The following MYH11 variants were observed in gnomAD, a reference collection of about 807,000 sequenced individuals.
The protein encoded by MYH11 is myosin heavy chain 11.
MYH11 carries 80 observed loss-of-function variants against 246.6 expected under a neutral mutation model. That is an observed-to-expected ratio of 0.32 (90% CI 0.27 to 0.39). The LOEUF (loss-of-function observed/expected upper bound fraction) is 0.39, where lower values mean the gene tolerates loss of function less well. MYH11 is among the 10% of genes least tolerant of loss of function. The pLI is 1.00. For missense variants in MYH11, 2,158 were observed against 2,546.8 expected (o/e 0.85, Z 3.29); for synonymous variants, 1,071 against 1,015.5 (o/e 1.05, Z -1.04).
Position 15,750,329 on chromosome 16 carries a change from C to A in MYH11, c.1867G>T (p.Asp623Tyr). The A allele has an allele frequency of 6.3e-7, 1 of 1,598,452 alleles. No individual in the cohort carries two copies. Among genetic ancestry groups the A allele is most frequent in the Admixed American group, 1.8e-5 (1 of 56,740 alleles). ...ATCTGGTCCAGGCCCACGATGCGGT[C>A]CACTATGGGGCACAGCCAGGGTGGC... ...KFVADLWKDV[D>Y]RIVGLDQMAK... Residue 623 changes from aspartate to tyrosine, a missense_variant and splice_region_variant, in exon 16 of 41, where the codon GAC becomes TAC. Coordinates refer to ENST00000300036, the MANE Select transcript of MYH11 (RefSeq NM_002474.3). This position sits in a 1 kb window ranked among gnomAD's most constrained non-coding sequence, Gnocchi z 4.3.
chr16:15,808,361 G>T (rs2043061944), intron 3 of MYH11, among the ~76,000 whole-genome samples: 1 of 152,214 alleles, frequency 6.6e-6, no homozygotes, highest in Non-Finnish European at 1.5e-5. Context: ...CGGGACAAGT[G>T]AGGAAACTGA....
chr16:15,721,231 C>T lies in MYH11; in HGVS notation c.4579-180G>A, dbSNP rs1043788184. On this transcript the variant is annotated intron_variant, in intron 32 of 40. Transcript: ENST00000300036. ...GACCCCAGCCTTATCCTCGGACCCC[C>T]CAACTCAGACCCATCCTCGACTGCC... is the stretch of plus-strand genomic sequence containing the variant. The T allele has an allele frequency of 7.6e-6, 7 of 927,056 alleles. No individual in the cohort carries two copies. In the African/African-American group the frequency reaches 1.1e-4, roughly 15 times the overall value. 57.4% of individuals were successfully genotyped at this position (927,056 alleles called of 1,614,324 possible).
At chr16:15,790,089 G>A (rs1454308544) in intron 4 of MYH11, among the ~76,000 whole-genome samples, 3 of 152,204 alleles carry the variant, frequency 2.0e-5, no homozygotes, top group Non-Finnish European at 4.4e-5. Context: ...TGGATCACTT[G>A]AGGTCAGGAG....
intron 10 of MYH11, 55 bp downstream of exon 10, chr16:15,763,741 T>TCGGGGGCCCCCCCCCCCC: frequency 1.5e-6 from 1 of 646,848 alleles, no homozygotes. Flanking sequence ...AAATGTCACC[T>TCGGGGGCCCCCCCCCCCC]CCCCCACCCC....
At chr16:15,771,329 T>G (rs535680733) in intron 9 of MYH11, among the ~76,000 whole-genome samples, 1 of 152,034 alleles carries the variant, frequency 6.6e-6, no homozygotes, top group African/African-American at 2.4e-5. Flanking sequence ...TCTGAGTTAG[T>G]CACTTTCCCT....
chr16:15,786,756 T>G, intron 4 of MYH11, 24 bp from the exon 5 acceptor site: 1 of 1,594,540 alleles, frequency 6.3e-7, no homozygotes, highest in South Asian at 1.1e-5. Context: ...GAACATCATC[T>G]ATGCACACGT....
intron 9 of MYH11, among the ~76,000 whole-genome samples, chr16:15,764,927 CA>C (rs2041948767): frequency 6.6e-6 from 1 of 152,212 alleles, no homozygotes; most frequent in Non-Finnish European, 1.5e-5. Context: ...TGTCTCCAAA[CA>C]AAAACGCTGT....
At chr16:15,795,650 G>A (rs1296896497) in intron 4 of MYH11, among the ~76,000 whole-genome samples, 1 of 152,150 alleles carries the variant, frequency 6.6e-6, no homozygotes, top group East Asian at 1.9e-4. Context: ...ACTGCAAGAT[G>A]GATACTGGAT....
At position 15,838,220 on chromosome 16, in the gene MYH11, CTCA is replaced by C. The variant is rs1567211981; in HGVS notation, c.30_32del (p.Asp10del). On this transcript the variant is annotated inframe_deletion, in exon 2 of 41. Coordinates refer to ENST00000300036, the MANE Select transcript of MYH11 (RefSeq NM_002474.3). ...AGTTTTTGTCCACAAAGAGGAACTT[CTCA>C]TCGTCACTGAGTTGGCCCTTCTGCG... is the stretch of plus-strand genomic sequence containing the variant. The C allele has an allele frequency of 6.2e-7, 1 of 1,614,122 alleles. No individual in the cohort carries two copies. The highest frequency in any genetic ancestry group is 1.1e-5 in the South Asian group (1 of 91,084).
At chr16:15,704,909 G>A (rs1304934016) in intron 40 of MYH11, among the ~76,000 whole-genome samples, 2 of 151,994 alleles carry the variant, frequency 1.3e-5, no homozygotes, top group Non-Finnish European at 2.9e-5. Flanking sequence ...GAACTCCTGA[G>A]CTCAAGCAGT....
intron 13 of MYH11, among the ~76,000 whole-genome samples, chr16:15,756,807 T>A (rs1215234717): frequency 6.7e-6 from 1 of 149,036 alleles, no homozygotes; most frequent in Non-Finnish European, 1.5e-5. Context: ...TTTTTTTTTT[T>A]TTTTTTTTGA....
At chr16:15,839,387 G>A (rs2043991308) in intron 1 of MYH11, among the ~76,000 whole-genome samples, 1 of 152,002 alleles carries the variant, frequency 6.6e-6, no homozygotes, top group Non-Finnish European at 1.5e-5. Context: ...CGTAAGTGTG[G>A]TTATTGAGAT....
intron 1 of MYH11, among the ~76,000 whole-genome samples, chr16:15,853,498 C>T (rs1356840207): frequency 6.6e-6 from 1 of 152,124 alleles, no homozygotes; most frequent in African/African-American, 2.4e-5. Context: ...TCCTCCTTAG[C>T]CCCTGAAACC....
At chr16:15,794,071 A>G (rs1027813991) in intron 4 of MYH11, among the ~76,000 whole-genome samples, 1 of 146,416 alleles carries the variant, frequency 6.8e-6, no homozygotes, top group Non-Finnish European at 1.5e-5. Flanking sequence ...AGCCTCCTGA[A>G]TAGCTGGGAC....
intron 16 of MYH11, chr16:15,749,935 A>G: frequency 1.5e-6 from 1 of 649,496 alleles, no homozygotes; most frequent in Non-Finnish European, 2.6e-6. Flanking sequence ...CAGCAACTCC[A>G]CAACTGAAAA....
intron 15 of MYH11, 110 bp downstream of exon 15, chr16:15,753,284 G>T: frequency 1.1e-6 from 1 of 916,538 alleles, no homozygotes; most frequent in Non-Finnish European, 1.8e-6. Context: ...TCCTTCCCCT[G>T]CCCCCATGTA....
At chr16:15,716,903 G>A (rs369602655) in intron 38 of MYH11, among the ~76,000 whole-genome samples, 1 of 152,242 alleles carries the variant, frequency 6.6e-6, no homozygotes. Flanking sequence ...AATGTCAGGA[G>A]GACCATGGAG....
intron 1 of MYH11, among the ~76,000 whole-genome samples, chr16:15,854,649 AG>A (rs2044416052): frequency 6.6e-6 from 1 of 152,158 alleles, no homozygotes; most frequent in South Asian, 2.1e-4. Flanking sequence ...AGGTTTGGGG[AG>A]GTGCGGGAGA....
At chr16:15,726,429 G>T in intron 28 of MYH11, 1 of 218,768 alleles carries the variant, frequency 4.6e-6, no homozygotes, top group Non-Finnish European at 9.2e-6. Flanking sequence ...GGAGTACAAT[G>T]GTGCGGTCTC....
Sources: allele counts gnomAD v4.1 joint callset (sites outside exome capture counted in the v4.1 genomes callset), GRCh38; gene constraint gnomAD v4.1.1; non-coding constraint Gnocchi (gnomAD v3.1); transcripts MANE v1.5; gene names NCBI Gene and HGNC (gene_info 2026-07-23, HGNC 2026-07-21).